The following NCAM2 variants were observed in gnomAD, a reference collection of about 807,000 sequenced individuals.
NCAM2 encodes neural cell adhesion molecule 2.
Under a neutral mutation model 98.1 loss-of-function variants are expected in NCAM2, and 30 were observed. The ratio of observed to expected loss-of-function variants is 0.31; its 90% confidence interval spans 0.23 to 0.41. The LOEUF (loss-of-function observed/expected upper bound fraction) is 0.41. NCAM2 is among the 10% of genes least tolerant of loss of function. The pLI is 1.00. For synonymous variants in NCAM2, 368 were observed against 342.4 expected (o/e 1.07, Z -0.83); for missense variants, 867 against 1,005.8 (o/e 0.86, Z 1.87).
chr21:21,360,635 T>C (rs2075620648), intron 8 of NCAM2, among the ~76,000 whole-genome samples: 1 of 152,018 alleles, frequency 6.6e-6, no homozygotes, highest in African/African-American at 2.4e-5. Flanking sequence ...CCAACTTATA[T>C]TTTACTGTCT....
In NCAM2 at chr21:21,049,175, G is replaced by A. The variant is rs988029694; in HGVS notation, c.55+50557G>A. ...GCTGGGACTACAGGCGCCCGCCACC[G>A]CGCCCGGCTAATTTTTTGTATTTTT... On this transcript the variant is annotated intron_variant, in intron 1 of 17. Coordinates refer to ENST00000400546, the MANE Select transcript of NCAM2 (RefSeq NM_004540.5). Among the ~76,000 whole-genome samples, 46 of 142,594 alleles carry A rather than the reference G, an allele frequency of 3.2e-4. No individual in the cohort carries two copies. The East Asian group carries it at 8.8e-3, about 27-fold the overall frequency. 93.5% of individuals were successfully genotyped at this position (142,594 alleles called of 152,430 possible).
chr21:21,429,770 C>A (rs2077289761), intron 11 of NCAM2, among the ~76,000 whole-genome samples: 1 of 152,154 alleles, frequency 6.6e-6, no homozygotes, highest in Admixed American at 6.5e-5. Context: ...CAGAATTCTA[C>A]ACGTGTGTTT....
intron 9 of NCAM2, among the ~76,000 whole-genome samples, chr21:21,382,528 T>G (rs1183286306): frequency 6.6e-6 from 1 of 151,322 alleles, no homozygotes; most frequent in African/African-American, 2.4e-5. Flanking sequence ...TTTTTTTTTT[T>G]TTTTTGAGAT....
At chr21:21,222,801 G>T (rs2070223659) in intron 1 of NCAM2, among the ~76,000 whole-genome samples, 1 of 152,162 alleles carries the variant, frequency 6.6e-6, no homozygotes, top group African/African-American at 2.4e-5. Flanking sequence ...CAAGTTTTGA[G>T]AGGACTGACT....
At chr21:21,468,809 C>T (rs746822642) in intron 14 of NCAM2, 26 bp downstream of exon 14, 1 of 1,585,926 alleles carries the variant, frequency 6.3e-7, no homozygotes, top group Non-Finnish European at 8.6e-7. Flanking sequence ...ATTGTCATAT[C>T]ATGCTAGGTT....
chr21:21,173,869 T>C (rs1323294233), intron 1 of NCAM2, among the ~76,000 whole-genome samples: 1 of 152,132 alleles, frequency 6.6e-6, no homozygotes, highest in Non-Finnish European at 1.5e-5. Flanking sequence ...CCCAGAGGCT[T>C]GAAGGGTTGC....
chr21:21,423,166 G>A (rs2077146275), intron 11 of NCAM2, among the ~76,000 whole-genome samples: 1 of 151,946 alleles, frequency 6.6e-6, no homozygotes, highest in Admixed American at 6.6e-5. Flanking sequence ...ATTGATGCAG[G>A]TTTCTGATAA....
At chr21:21,079,318 C>A (rs1392283831) in intron 1 of NCAM2, among the ~76,000 whole-genome samples, 1 of 152,112 alleles carries the variant, frequency 6.6e-6, no homozygotes, top group Non-Finnish European at 1.5e-5. Flanking sequence ...GAGATAATTT[C>A]ATTCATTCAA....
chr21:21,113,866 G>T (rs895960755), intron 1 of NCAM2, among the ~76,000 whole-genome samples: 3 of 151,890 alleles, frequency 2.0e-5, no homozygotes, highest in Non-Finnish European at 2.9e-5. Context: ...TTTTTACTAT[G>T]GATATTTATA....
At chr21:21,134,021 T>A (rs1353182060) in intron 1 of NCAM2, among the ~76,000 whole-genome samples, 1 of 151,726 alleles carries the variant, frequency 6.6e-6, no homozygotes, top group Non-Finnish European at 1.5e-5. Flanking sequence ...CTAGCCCTGG[T>A]CTCTGTGGCC....
intron 12 of NCAM2, among the ~76,000 whole-genome samples, chr21:21,464,417 G>A (rs1238624292): frequency 1.1e-4 from 16 of 151,938 alleles, no homozygotes; most frequent in Non-Finnish European, 1.9e-4. Flanking sequence ...CTTTGCTTTT[G>A]CTTTTAAAAA....
At chr21:21,512,633 T>C (rs568928293) in intron 16 of NCAM2, among the ~76,000 whole-genome samples, 7 of 152,182 alleles carry the variant, frequency 4.6e-5, no homozygotes, top group South Asian at 2.1e-4. Flanking sequence ...AGAATGTCAT[T>C]GGCATTTTGA....
intron 1 of NCAM2, among the ~76,000 whole-genome samples, chr21:21,119,427 A>C (rs538033013): frequency 6.6e-6 from 1 of 152,142 alleles, no homozygotes; most frequent in African/African-American, 2.4e-5. Context: ...ATTTTTTGCT[A>C]TTCTCTAAGG....
intron 9 of NCAM2, among the ~76,000 whole-genome samples, chr21:21,384,085 TA>T (rs1396654686): frequency 6.6e-6 from 1 of 151,978 alleles, no homozygotes; most frequent in Non-Finnish European, 1.5e-5. Flanking sequence ...ATAAGTATTT[TA>T]AATTTTAATT....
At chr21:21,313,778 T>C (rs1377098470) in intron 5 of NCAM2, among the ~76,000 whole-genome samples, 2 of 152,036 alleles carry the variant, frequency 1.3e-5, no homozygotes, top group Non-Finnish European at 2.9e-5. Context: ...CTCTAAATTC[T>C]TGATTATTGA....
chr21:21,315,946 A>T (rs1157932711), intron 5 of NCAM2, among the ~76,000 whole-genome samples: 1 of 152,206 alleles, frequency 6.6e-6, no homozygotes, highest in African/African-American at 2.4e-5. Context: ...GATTACTTTT[A>T]AACTTGTTGA....
intron 6 of NCAM2, among the ~76,000 whole-genome samples, chr21:21,332,433 A>C (rs1410881500): frequency 6.6e-6 from 1 of 152,134 alleles, no homozygotes; most frequent in African/African-American, 2.4e-5. Context: ...GACATGACTT[A>C]AGTCCTGTGT....
intron 8 of NCAM2, among the ~76,000 whole-genome samples, chr21:21,361,606 G>C (rs2075647383): frequency 6.6e-6 from 1 of 151,910 alleles, no homozygotes. Context: ...ATTTCATCTA[G>C]TCTTACGGCT....
chr21:21,222,647 T>G (rs1329705350), intron 1 of NCAM2, among the ~76,000 whole-genome samples: 1 of 152,146 alleles, frequency 6.6e-6, no homozygotes, highest in East Asian at 1.9e-4. Context: ...GACAAAACTT[T>G]AACAAACAAG....
Sources: gnomAD v4.1 joint callset for allele counts (sites outside exome capture counted in the v4.1 genomes callset) on GRCh38, gnomAD v4.1.1 for gene constraint, MANE v1.5 for transcripts, NCBI Gene and HGNC (gene_info 2026-07-23, HGNC 2026-07-21) for gene names.